TAFA1: variants seen among roughly 807,000 people sequenced by gnomAD.
The protein encoded by TAFA1 is chemokine-like protein TAFA-1.
A neutral mutation model predicts 18.5 loss-of-function variants in TAFA1; 4 were observed. That is an observed-to-expected ratio of 0.22 (90% CI 0.11 to 0.49). The LOEUF is 0.49. Among genes scored for constraint, TAFA1 ranks in the 20% least tolerant of loss-of-function variants. The pLI is 0.98. For missense variants in TAFA1, 147 were observed against 169.0 expected, an observed-to-expected ratio of 0.87 and a Z score of 0.72; for synonymous variants, 56 against 55.2, an observed-to-expected ratio of 1.01 and a Z score of -0.06.
the TAFA1 span, among the ~76,000 whole-genome samples, chr3:67,993,856 C>A: frequency 6.6e-6 from 1 of 151,906 alleles, no homozygotes; most frequent in African/African-American, 2.4e-5. Context: ...CAAGTGGGCT[C>A]AGGCACATAG....
intron 2 of TAFA1, among the ~76,000 whole-genome samples, chr3:68,388,325 A>T (rs1184357231): frequency 6.6e-6 from 1 of 152,178 alleles, no homozygotes; most frequent in African/African-American, 2.4e-5. Flanking sequence ...TGCTTTAGGT[A>T]ACAAACTTTT....
chr3:68,265,182 A>T lies in TAFA1; in HGVS notation c.119-152098A>T, dbSNP rs554027821. On this transcript the variant is annotated intron_variant, in intron 2 of 4. Coordinates refer to ENST00000478136, the MANE Select transcript of TAFA1 (RefSeq NM_213609.4). The stretch of plus-strand genomic sequence containing the variant: ...TCTTTTTAAAATAATTTCATCCAAA[A>T]CCTTTTCTGAGGCTCTGATCCCTTA... 2.0e-5 allele frequency among the ~76,000 whole-genome samples: 3 copies of T among 152,164 alleles called. No individual in the cohort carries two copies. The East Asian group carries it at 5.8e-4, about 29-fold the overall frequency.
At chr3:68,032,721 C>G (rs1384063208) in intron 2 of TAFA1, among the ~76,000 whole-genome samples, 3 of 152,130 alleles carry the variant, frequency 2.0e-5, no homozygotes, top group Non-Finnish European at 4.4e-5. Context: ...TTCAGTGGAA[C>G]CTCAAGCCGT....
chr3:68,180,797 C>T (rs1307922299), intron 2 of TAFA1, among the ~76,000 whole-genome samples: 1 of 152,166 alleles, frequency 6.6e-6, no homozygotes, highest in Non-Finnish European at 1.5e-5. Context: ...TGATCCTCTC[C>T]TCCTAGTTTT....
At chr3:68,008,639 G>A (rs1235112615) in intron 2 of TAFA1, among the ~76,000 whole-genome samples, 2 of 152,182 alleles carry the variant, frequency 1.3e-5, no homozygotes, top group African/African-American at 4.8e-5. Flanking sequence ...AGGCGAAAAT[G>A]CCTCTCGGTG....
intron 3 of TAFA1, among the ~76,000 whole-genome samples, chr3:68,529,436 TAAAAAAAAAA>T (rs533214097): frequency 2.9e-4 from 22 of 77,066 alleles, no homozygotes; most frequent in African/African-American, 9.5e-4. Flanking sequence ...CACCATTCTC[TAAAAAAAAAA>T]AAAAAAAAAA....
chr3:68,004,817 A>G (rs1030783827), intron 1 of TAFA1, 115 bp downstream of exon 1: 1 of 152,162 alleles, frequency 6.6e-6, no homozygotes, highest in Non-Finnish European at 1.5e-5. Context: ...GCTTAATAAC[A>G]TTGAGACAAC....
intron 2 of TAFA1, among the ~76,000 whole-genome samples, chr3:68,228,854 G>T (rs1167702747): frequency 6.6e-6 from 1 of 152,120 alleles, no homozygotes; most frequent in Non-Finnish European, 1.5e-5. Context: ...CACCTATATT[G>T]AGCCCTTGCT....
At chr3:68,176,946 AT>A (rs2106973281) in intron 2 of TAFA1, among the ~76,000 whole-genome samples, 1 of 152,154 alleles carries the variant, frequency 6.6e-6, no homozygotes, top group South Asian at 2.1e-4. Context: ...GATTCACTAT[AT>A]TGCTCATCTG....
intron 2 of TAFA1, among the ~76,000 whole-genome samples, chr3:68,296,513 T>C: frequency 6.6e-6 from 1 of 152,232 alleles, no homozygotes; most frequent in Middle Eastern, 3.4e-3. Context: ...TATATTTAGA[T>C]TATCCTTAAA....
chr3:68,246,751 T>G (rs1366253494), intron 2 of TAFA1: 1 of 152,084 alleles, frequency 6.6e-6, no homozygotes, highest in Non-Finnish European at 1.5e-5. Flanking sequence ...TGCATCATAG[T>G]GAAGTAGTTC....
At chr3:68,120,625 G>A (rs2065387480) in intron 2 of TAFA1, among the ~76,000 whole-genome samples, 1 of 152,154 alleles carries the variant, frequency 6.6e-6, no homozygotes, top group South Asian at 2.1e-4. Flanking sequence ...CTTACCTGTG[G>A]TGAGGTTCAC....
At chr3:68,194,501 T>C (rs1423021801) in intron 2 of TAFA1, among the ~76,000 whole-genome samples, 1 of 151,800 alleles carries the variant, frequency 6.6e-6, no homozygotes. Context: ...TCAATTGCTA[T>C]GCAATCGTTA....
At chr3:68,282,225 A>C (rs2067910905) in intron 2 of TAFA1, among the ~76,000 whole-genome samples, 1 of 152,172 alleles carries the variant, frequency 6.6e-6, no homozygotes, top group African/African-American at 2.4e-5. Context: ...GGAACTATAA[A>C]TCAAGATGAG....
intron 2 of TAFA1, among the ~76,000 whole-genome samples, chr3:68,221,015 G>A (rs1575688136): frequency 6.6e-6 from 1 of 152,126 alleles, no homozygotes; most frequent in Non-Finnish European, 1.5e-5. Context: ...CAGCACCCCT[G>A]TAGAAGCCTC....
chr3:68,475,783 A>AAAAGTGTG lies in TAFA1; in HGVS notation c.259+58370_259+58371insGAAAGTGT, dbSNP rs1256036661. 3.3e-5 allele frequency among the ~76,000 whole-genome samples: 5 copies of AAAAGTGTG among 151,702 alleles called. No homozygotes were observed. In the South Asian group the frequency reaches 1.0e-3, roughly 32 times the overall value. ...TAGTTTACAGTCCCACCAACAGTGTAAAAGTGTTCCTATTTCTCCACATCC... is the reference window on the plus strand; with the variant it reads ...TAGTTTACAGTCCCACCAACAGTGTAAAAGTGTGAAAGTGTTCCTATTTCTCCACATCC... On this transcript the variant is annotated intron_variant, in intron 3 of 4. Transcript: ENST00000478136.
At chr3:68,517,319 AATAATGTTTCCTTTTTAC>A (rs1382655606) in intron 3 of TAFA1, among the ~76,000 whole-genome samples, 1 of 152,196 alleles carries the variant, frequency 6.6e-6, no homozygotes, top group African/African-American at 2.4e-5. Flanking sequence ...ATAGTAAGGT[AATAATGTTTCCTTTTTAC>A]ATAAAGTCAT....
At chr3:68,454,688 C>G (rs2071625564) in intron 3 of TAFA1, among the ~76,000 whole-genome samples, 3 of 152,102 alleles carry the variant, frequency 2.0e-5, no homozygotes, top group Admixed American at 1.3e-4. Context: ...CTTCCTTTCC[C>G]TCCTTGAGCC....
intron 2 of TAFA1, among the ~76,000 whole-genome samples, chr3:68,169,456 T>C (rs1027652917): frequency 5.3e-5 from 8 of 152,238 alleles, no homozygotes; most frequent in Non-Finnish European, 1.2e-4. Flanking sequence ...CAAATTCTAC[T>C]TCCTTTCCCA....
Sources: gnomAD v4.1 joint callset for allele counts (sites outside exome capture counted in the v4.1 genomes callset) on GRCh38, gnomAD v4.1.1 for gene constraint, MANE v1.5 for transcripts, NCBI Gene and HGNC (gene_info 2026-07-23, HGNC 2026-07-21) for gene names.